Variants in GALK2 observed in about 807,000 individuals in gnomAD.
GALK2 encodes N-acetylgalactosamine kinase.
GALK2 carries 36 observed loss-of-function variants against 52.4 expected under a neutral mutation model. The ratio of observed to expected loss-of-function variants is 0.69; its 90% CI spans 0.53 to 0.91. The LOEUF (loss-of-function observed/expected upper bound fraction) is 0.91, where lower values mean the gene tolerates loss of function less well. GALK2 is among the 40% of genes least tolerant of loss of function. GALK2 has a pLI of 0.00. For synonymous variants in GALK2, 176 were observed against 199.1 expected (o/e 0.88, Z 0.98); for missense variants, 579 against 559.1 (o/e 1.04, Z -0.36).
chr15:49,210,199 A>G (rs1020340120), intron 2 of GALK2, among the ~76,000 whole-genome samples: 1 of 150,658 alleles, frequency 6.6e-6, no homozygotes, highest in Non-Finnish European at 1.5e-5. Context: ...TGTTTTTTTT[A>G]ATTTTATTTA....
chr15:49,262,577 G>A (rs1281453490), intron 5 of GALK2, among the ~76,000 whole-genome samples: 11 of 150,770 alleles, frequency 7.3e-5, no homozygotes, highest in South Asian at 2.1e-4. Flanking sequence ...CTTCAGTTCT[G>A]CTCTGATTTT....
chr15:49,164,259 G>A lies in GALK2; in HGVS notation c.20+8243G>A, dbSNP rs1267675847. Among the ~76,000 whole-genome samples the A allele has an allele frequency of 5.3e-5, 8 of 151,978 alleles. No homozygotes were observed. The East Asian group carries it at 1.5e-3, about 29-fold the overall frequency. ...TGCCACCCCAAAATATGCTACTTTG[G>A]CCTAAGTATTATTTTGAGCCGAAGC... On this transcript the variant is annotated intron_variant, in intron 1 of 9. Coordinates refer to the GALK2 transcript ENST00000327171.
intron 5 of GALK2, among the ~76,000 whole-genome samples, chr15:49,273,057 C>T (rs530125758): frequency 1.3e-5 from 2 of 152,302 alleles, no homozygotes; most frequent in African/African-American, 4.8e-5. Context: ...ATCACGTTCT[C>T]TCCACTGTAC....
At position 49,181,147 on chromosome 15, in the gene GALK2, G is replaced by C. The variant is rs573674225; in HGVS notation, c.53+10772G>C. On this transcript the variant is annotated intron_variant, in intron 1 of 9. Coordinates refer to ENST00000560031, the MANE Select transcript of GALK2 (RefSeq NM_002044.4). The stretch of plus-strand genomic sequence containing the variant: ...TTCTTTTGAGACAGGGTCTCACTCT[G>C]TTGCCCAGAATGAAGTGCAGTGGCA... 3.8e-5 allele frequency among the ~76,000 whole-genome samples: 5 copies of C among 133,262 alleles called. No homozygotes were observed. The South Asian group carries it at 1.2e-3, about 31-fold the overall frequency. 87.4% of individuals were successfully genotyped at this position (133,262 alleles called of 152,430 possible). A position where few individuals can be genotyped will look rare whatever the true frequency, so the allele number is the denominator to read the frequency against.
chr15:49,343,641 A>T (rs1481591995), intron 3 of GALK2: 1 of 152,156 alleles, frequency 6.6e-6, no homozygotes, highest in Non-Finnish European at 1.5e-5. Context: ...CCTGAGGGCA[A>T]CTCATTTTAC....
chr15:49,248,039 T>A (rs2091434010), intron 5 of GALK2, among the ~76,000 whole-genome samples: 1 of 152,198 alleles, frequency 6.6e-6, no homozygotes. Context: ...GCCAAATATG[T>A]CCACATTTTC....
chr15:49,367,369 C>G, intron 3 of GALK2: 1 of 1,236,452 alleles, frequency 8.1e-7, no homozygotes, highest in Non-Finnish European at 1.1e-6. Flanking sequence ...ATTTGTTTCT[C>G]AATTGAGACA....
chr15:49,265,550 T>C (rs2092328534), intron 5 of GALK2, among the ~76,000 whole-genome samples: 1 of 152,234 alleles, frequency 6.6e-6, no homozygotes, highest in African/African-American at 2.4e-5. Context: ...TCGCCCTGTT[T>C]TGGCTCGCGC....
At chr15:49,211,679 G>C (rs2088900758) in intron 2 of GALK2, among the ~76,000 whole-genome samples, 1 of 152,174 alleles carries the variant, frequency 6.6e-6, no homozygotes, top group Non-Finnish European at 1.5e-5. Context: ...TACAAGCATG[G>C]TGGAAGACAA....
intron 3 of GALK2, among the ~76,000 whole-genome samples, chr15:49,351,899 T>A (rs2042308931): frequency 6.6e-6 from 1 of 152,200 alleles, no homozygotes. Flanking sequence ...TATTGCTATA[T>A]AACAAACAAC....
chr15:49,319,575 C>A (rs1027281073), intron 8 of GALK2, 29 bp from the exon 9 acceptor site: 18 of 1,603,426 alleles, frequency 1.1e-5, no homozygotes, highest in Non-Finnish European at 1.5e-5. Context: ...CTATTCCTAA[C>A]CTCCTTCCCC....
intron 1 of GALK2, among the ~76,000 whole-genome samples, chr15:49,199,640 G>A (rs924864372): frequency 1.3e-5 from 2 of 148,302 alleles, no homozygotes; most frequent in African/African-American, 4.8e-5. Flanking sequence ...CCTAAACTCT[G>A]CCAAGCTGAT....
chr15:49,367,596 T>C lies in GALK2; in HGVS notation c.*60T>C, dbSNP rs774513018. 2.5e-6 allele frequency: 4 copies of C among 1,572,602 alleles called. No individual in the cohort carries two copies. In the Admixed American group the frequency reaches 8.5e-5, roughly 33 times the overall value. Reference sequence around the variant, plus strand: ...ACACGATTAAACTCTGGACCAGTACTACTATAGTGCGACTGTAAGAGGAAG... The same window carrying C: ...ACACGATTAAACTCTGGACCAGTACCACTATAGTGCGACTGTAAGAGGAAG... On this transcript the variant is annotated 3_prime_UTR_variant, in exon 4 of 4. Coordinates refer to the GALK2 transcript ENST00000558399.
chr15:49,163,143 C>G (rs891964040), intron 1 of GALK2, among the ~76,000 whole-genome samples: 1 of 152,150 alleles, frequency 6.6e-6, no homozygotes, highest in Non-Finnish European at 1.5e-5. Context: ...ACATCCTTGC[C>G]AACATTTAGT....
chr15:49,228,842 C>G (rs988436424), intron 3 of GALK2, among the ~76,000 whole-genome samples: 7 of 149,672 alleles, frequency 4.7e-5, no homozygotes, highest in African/African-American at 1.7e-4. Flanking sequence ...TTACAGGCAC[C>G]CACCACCACA....
chr15:49,192,595 T>G (rs1215184863), intron 1 of GALK2, among the ~76,000 whole-genome samples: 1 of 149,122 alleles, frequency 6.7e-6, no homozygotes, highest in Non-Finnish European at 1.5e-5. Flanking sequence ...GACTATGTAT[T>G]TTTGTTAGAC....
chr15:49,176,134 T>C (rs900962803), intron 1 of GALK2, among the ~76,000 whole-genome samples: 2 of 152,274 alleles, frequency 1.3e-5, no homozygotes, highest in Non-Finnish European at 2.9e-5. Context: ...GACATGAATA[T>C]GGCACTTTAG....
intron 8 of GALK2, among the ~76,000 whole-genome samples, chr15:49,313,440 C>G (rs149927407): frequency 1.1e-3 from 160 of 152,304 alleles, no homozygotes; most frequent in African/African-American, 3.6e-3. Flanking sequence ...CACCTTGGGC[C>G]TTTGGCCATC....
intron 1 of GALK2, among the ~76,000 whole-genome samples, chr15:49,193,423 CGTT>C (rs1406236438): frequency 6.6e-6 from 1 of 150,550 alleles, no homozygotes; most frequent in Non-Finnish European, 1.5e-5. Flanking sequence ...ATTTTCTGTG[CGTT>C]GTTTTTTAAA....
Sources: allele counts gnomAD v4.1 joint callset (sites outside exome capture counted in the v4.1 genomes callset), GRCh38; gene constraint gnomAD v4.1.1; transcripts MANE v1.5; gene names NCBI Gene and HGNC (gene_info 2026-07-23, HGNC 2026-07-21).